MMP16: variants seen among roughly 807,000 people sequenced by gnomAD.
MMP16 encodes matrix metalloproteinase-16.
MMP16 carries 12 observed loss-of-function variants against 67.8 expected under a neutral mutation model. That is an observed-to-expected ratio of 0.18 (90% CI 0.11 to 0.29). MMP16 has a LOEUF of 0.29. MMP16 is among the 10% of genes least tolerant of loss of function. MMP16 has a pLI of 1.00. For missense variants in MMP16, 475 were observed against 765.7 expected (o/e 0.62, Z 4.48); for synonymous variants, 249 against 255.9 (o/e 0.97, Z 0.26).
At chr8:88,046,939 G>A (rs1808206547) in intron 8 of MMP16, among the ~76,000 whole-genome samples, 155 bp from the exon 9 acceptor site, 1 of 152,090 alleles carries the variant, frequency 6.6e-6, no homozygotes, top group Non-Finnish European at 1.5e-5. Context: ...AACTCCAACT[G>A]GCAAGCTCTT....
At chr8:88,243,950 AAGAC>A (rs907522905) in intron 1 of MMP16, among the ~76,000 whole-genome samples, 7 of 152,308 alleles carry the variant, frequency 4.6e-5, no homozygotes, top group Non-Finnish European at 5.9e-5. Flanking sequence ...ATAAAAGAAA[AAGAC>A]AGCTGTAATT....
At chr8:88,282,082 T>TTG (rs1491392220) in intron 1 of MMP16, among the ~76,000 whole-genome samples, 2 of 116,154 alleles carry the variant, frequency 1.7e-5, no homozygotes, top group African/African-American at 8.3e-5. Flanking sequence ...TTTTCTTTTT[T>TTG]GGGGGGGGGG....
intron 4 of MMP16, among the ~76,000 whole-genome samples, chr8:88,127,720 T>G (rs1351129687): frequency 1.3e-5 from 2 of 151,894 alleles, no homozygotes; most frequent in African/African-American, 4.8e-5. Context: ...TTTCACATAG[T>G]ACCTTACATT....
At chr8:88,077,405 T>A (rs1158734511) in intron 6 of MMP16, among the ~76,000 whole-genome samples, 1 of 152,202 alleles carries the variant, frequency 6.6e-6, no homozygotes, top group African/African-American at 2.4e-5. Context: ...TCCCTGACCA[T>A]GCTATCTAGA....
intron 4 of MMP16, among the ~76,000 whole-genome samples, chr8:88,145,039 G>T (rs761351072): frequency 1.3e-5 from 2 of 151,976 alleles, no homozygotes; most frequent in Admixed American, 1.3e-4. Context: ...GCAATTGCCT[G>T]TAGAGTGTCT....
At chr8:88,157,977 C>A (rs191770261) in intron 4 of MMP16, among the ~76,000 whole-genome samples, 17 of 152,252 alleles carry the variant, frequency 1.1e-4, no homozygotes, top group South Asian at 6.2e-4. Context: ...CTGCTTCATC[C>A]ATGTCCCTAC....
At chr8:88,167,601 G>A in intron 4 of MMP16, 68 bp downstream of exon 4, 2 of 1,429,860 alleles carry the variant, frequency 1.4e-6, no homozygotes, top group Non-Finnish European at 1.9e-6. Flanking sequence ...TTTGTAAATT[G>A]TTAAATCTCT....
intron 1 of MMP16, among the ~76,000 whole-genome samples, chr8:88,198,198 A>G (rs1428994242): frequency 6.6e-6 from 1 of 152,196 alleles, no homozygotes; most frequent in Non-Finnish European, 1.5e-5. Context: ...ACCAGGGAGC[A>G]GATGCTTTCC....
intron 2 of MMP16, among the ~76,000 whole-genome samples, chr8:88,193,738 A>T (rs1327495674): frequency 1.3e-5 from 2 of 152,178 alleles, no homozygotes; most frequent in Non-Finnish European, 2.9e-5. Context: ...CATAATAATT[A>T]AAAATAATTT....
intron 1 of MMP16, among the ~76,000 whole-genome samples, chr8:88,231,326 T>G (rs923776106): frequency 2.0e-5 from 3 of 152,214 alleles, no homozygotes; most frequent in Non-Finnish European, 4.4e-5. Context: ...TAATTCTTTA[T>G]TCAATAGATT....
At chr8:88,226,346 C>A (rs1809768931) in intron 1 of MMP16, among the ~76,000 whole-genome samples, 1 of 151,944 alleles carries the variant, frequency 6.6e-6, no homozygotes, top group African/African-American at 2.4e-5. Flanking sequence ...TGACTATATT[C>A]CAGGCTACAT....
chr8:88,304,557 G>C (rs1353402295), intron 1 of MMP16, among the ~76,000 whole-genome samples: 1 of 152,192 alleles, frequency 6.6e-6, no homozygotes. Context: ...GAAAGGCCTA[G>C]CCACCTACAA....
intron 4 of MMP16, among the ~76,000 whole-genome samples, chr8:88,125,802 G>A (rs1807921447): frequency 6.6e-6 from 1 of 151,810 alleles, no homozygotes; most frequent in African/African-American, 2.4e-5. Context: ...TATGTTTCAT[G>A]TTATTTATTT....
intron 6 of MMP16, among the ~76,000 whole-genome samples, chr8:88,094,291 T>C (rs1048336000): frequency 1.3e-5 from 2 of 151,762 alleles, no homozygotes; most frequent in East Asian, 1.9e-4. Flanking sequence ...CACTGATAAA[T>C]ATAACTACCA....
chr8:88,045,974 AT>A (rs1157952897), intron 9 of MMP16, among the ~76,000 whole-genome samples: 10 of 152,160 alleles, frequency 6.6e-5, no homozygotes, highest in Admixed American at 6.6e-4. Flanking sequence ...TATAAATTCA[AT>A]TTCAAATTAT....
At chr8:88,151,553 A>G (rs2129646842) in intron 4 of MMP16, among the ~76,000 whole-genome samples, 1 of 143,644 alleles carries the variant, frequency 7.0e-6, no homozygotes, top group Non-Finnish European at 1.5e-5. Context: ...CTCAGGATTA[A>G]GAATCTCACT....
At chr8:88,116,373 TA>T in intron 6 of MMP16, 133 bp downstream of exon 6, 1 of 757,824 alleles carries the variant, frequency 1.3e-6, no homozygotes, top group East Asian at 2.7e-5. Context: ...ATTTATTTTT[TA>T]AAATGCTTTT....
rs1411716375 is a variant in MMP16, at chr8:88,227,657, G to A, written c.133-30351C>T. Among the ~76,000 whole-genome samples the A allele has an allele frequency of 2.6e-5, 4 of 151,944 alleles. No homozygotes were observed. The East Asian group carries it at 7.8e-4, about 29-fold the overall frequency. Reference sequence around the variant, plus strand: ...GGGCCCACTCTAGTATCCTTTTCCAGGGCTCTCTGTTTGTTCTTTCTAATG... The same window carrying A: ...GGGCCCACTCTAGTATCCTTTTCCAAGGCTCTCTGTTTGTTCTTTCTAATG... On this transcript the variant is annotated intron_variant, in intron 1 of 9. Coordinates refer to ENST00000286614, the MANE Select transcript of MMP16 (RefSeq NM_005941.5).
Position 88,116,525 on chromosome 8 carries a change from A to G in MMP16, c.1065T>C (p.Arg355=). The part of the protein sequence containing the change: ...GNFNTLAILR[R]EMFVFKDQWF... ...CTCCTACCTTGAAAACAAACATCTC[A>G]CGACGAAGAATAGCTAGAGTGTTAA... The change falls in exon 6 of 10, where the codon CGT becomes CGC. Residue 355 remains arginine (R), a synonymous_variant. Transcript: ENST00000286614. 1 of 1,613,450 alleles carries G rather than the reference A, an allele frequency of 6.2e-7. No individual in the cohort carries two copies. Among genetic ancestry groups the G allele is most frequent in the Non-Finnish European group, 8.5e-7 (1 of 1,179,732 alleles).
Sources: gnomAD v4.1 joint callset for allele counts (sites outside exome capture counted in the v4.1 genomes callset) on GRCh38, gnomAD v4.1.1 for gene constraint, MANE v1.5 for transcripts, NCBI Gene and HGNC (gene_info 2026-07-23, HGNC 2026-07-21) for gene names.